Variants in SGCD observed in about 807,000 individuals in gnomAD.
The protein encoded by SGCD is sarcoglycan delta.
In SGCD, 18 loss-of-function variants were observed where a neutral mutation model predicts 36.6. The ratio of observed to expected loss-of-function variants is 0.49; its 90% CI spans 0.34 to 0.73. The LOEUF is 0.73. SGCD is among the 30% of genes least tolerant of loss of function. SGCD has a pLI of 0.01. For missense variants in SGCD, 387 were observed against 346.7 expected, an observed-to-expected ratio of 1.12 and a Z score of -0.92; for synonymous variants, 133 against 130.6, an observed-to-expected ratio of 1.02 and a Z score of -0.12.
At chr5:155,849,710 TA>T in the SGCD span, among the ~76,000 whole-genome samples, 1 of 152,166 alleles carries the variant, frequency 6.6e-6, no homozygotes, top group Non-Finnish European at 1.5e-5. Flanking sequence ...GTCTTTGCAT[TA>T]AAATGACAAT....
Position 156,231,491 on chromosome 5 carries a change from G to T in SGCD, c.-43-98043G>T, listed in dbSNP as rs994487579. ...GCGGAGGTTGCAGTGAGCTGAGATC[G>T]CCCCACTGCACTCTATCCTGGGCAA... On this transcript the variant is annotated intron_variant, in intron 3 of 9. Transcript: ENST00000517913. Among the ~76,000 whole-genome samples the T allele has an allele frequency of 2.6e-5, 4 of 152,178 alleles. No homozygotes were observed. In the South Asian group the frequency reaches 6.2e-4, roughly 24 times the overall value.
intron 3 of SGCD, among the ~76,000 whole-genome samples, chr5:156,149,082 G>A (rs899698428): frequency 1.3e-5 from 2 of 152,120 alleles, no homozygotes; most frequent in Non-Finnish European, 1.5e-5. Context: ...AATTTTAATA[G>A]TTAGTGGAAA....
At chr5:156,600,983 T>C (rs1761167500) in intron 6 of SGCD, among the ~76,000 whole-genome samples, 1 of 152,198 alleles carries the variant, frequency 6.6e-6, no homozygotes, top group African/African-American at 2.4e-5. Flanking sequence ...TCTATTAAGA[T>C]CTTTTGCCTA....
rs543128174 is a variant in SGCD at position 155,994,556 on chromosome 5, C to T, written c.-281-123322C>T. Among the ~76,000 whole-genome samples, 8 of 152,284 alleles carry T rather than the reference C, an allele frequency of 5.3e-5. No homozygotes were observed. The South Asian group carries it at 1.5e-3, about 28-fold the overall frequency. On this transcript the variant is annotated intron_variant, in intron 1 of 9. Coordinates refer to the SGCD transcript ENST00000517913. ...AGTTACTCTGAGTGGAAGAAGTTCT[C>T]ATCACAATGCTTGGGATCAAGTTCT... is the stretch of plus-strand genomic sequence containing the variant.
At chr5:156,058,546 A>G (rs912781011) in intron 1 of SGCD, among the ~76,000 whole-genome samples, 4 of 145,804 alleles carry the variant, frequency 2.7e-5, no homozygotes. Context: ...ACTTTGAGTA[A>G]CTAAGATTTA....
At chr5:156,492,814 T>G (rs1756007051) in intron 3 of SGCD, among the ~76,000 whole-genome samples, 1 of 152,126 alleles carries the variant, frequency 6.6e-6, no homozygotes, top group Non-Finnish European at 1.5e-5. Flanking sequence ...ACATGTGGTG[T>G]TTAGTTTTCT....
intron 4 of SGCD, among the ~76,000 whole-genome samples, chr5:156,517,870 C>G (rs931186094): frequency 1.3e-5 from 2 of 152,170 alleles, no homozygotes; most frequent in Non-Finnish European, 2.9e-5. Flanking sequence ...AAAACTGTTA[C>G]CAGCCACTAA....
At chr5:156,573,302 C>T (rs971056202) in intron 4 of SGCD, among the ~76,000 whole-genome samples, 8 of 152,190 alleles carry the variant, frequency 5.3e-5, no homozygotes, top group African/African-American at 1.9e-4. Context: ...CTTAACTTTT[C>T]TGTAAATCTG....
chr5:156,446,733 T>G (rs1470842765), intron 3 of SGCD, among the ~76,000 whole-genome samples: 1 of 152,124 alleles, frequency 6.6e-6, no homozygotes, highest in Non-Finnish European at 1.5e-5. Flanking sequence ...AAATTACCCT[T>G]TGGTAAAATT....
At chr5:156,568,025 G>A (rs974665442) in intron 4 of SGCD, among the ~76,000 whole-genome samples, 1 of 152,116 alleles carries the variant, frequency 6.6e-6, no homozygotes, top group African/African-American at 2.4e-5. Flanking sequence ...AATGGATCCA[G>A]AACCTGAATG....
At chr5:156,178,356 A>G (rs1763521238) in intron 3 of SGCD, among the ~76,000 whole-genome samples, 1 of 152,180 alleles carries the variant, frequency 6.6e-6, no homozygotes, top group Non-Finnish European at 1.5e-5. Flanking sequence ...AAACAGCTTG[A>G]CCTGTTCTGT....
intron 1 of SGCD, among the ~76,000 whole-genome samples, chr5:156,007,258 A>G (rs541847557): frequency 6.6e-6 from 1 of 152,230 alleles, no homozygotes; most frequent in African/African-American, 2.4e-5. Context: ...TGATAAATGT[A>G]TTGAGGATAA....
At chr5:155,870,191 G>T (rs1281431064), upstream of SGCD, among the ~76,000 whole-genome samples, 1 of 152,236 alleles carries the variant, frequency 6.6e-6, no homozygotes, top group Non-Finnish European at 1.5e-5. Flanking sequence ...CCTAATTGCT[G>T]CAGTGTGATC....
At chr5:156,044,719 C>T (rs563010533) in intron 1 of SGCD, among the ~76,000 whole-genome samples, 1 of 152,228 alleles carries the variant, frequency 6.6e-6, no homozygotes, top group Non-Finnish European at 1.5e-5. Context: ...AATGATATTT[C>T]ATTTTTATGG....
At chr5:155,862,796 A>T in the SGCD span, among the ~76,000 whole-genome samples, 2 of 152,182 alleles carry the variant, frequency 1.3e-5, no homozygotes, top group African/African-American at 4.8e-5. Context: ...TTGTCCACAT[A>T]CCTTTAAATG....
At chr5:156,404,487 C>T (rs766600199) in intron 3 of SGCD, among the ~76,000 whole-genome samples, 2 of 152,170 alleles carry the variant, frequency 1.3e-5, no homozygotes, top group African/African-American at 2.4e-5. Context: ...TCTGAATCAC[C>T]GTGAGGGCTC....
At chr5:156,751,005 T>C (rs1757130752) in intron 7 of SGCD, among the ~76,000 whole-genome samples, 1 of 152,220 alleles carries the variant, frequency 6.6e-6, no homozygotes, top group South Asian at 2.1e-4. Context: ...AATTTCCTTA[T>C]GAAACTTAAG....
intron 7 of SGCD, among the ~76,000 whole-genome samples, chr5:156,754,895 T>C (rs946546466): frequency 7.2e-5 from 11 of 152,228 alleles, no homozygotes; most frequent in Non-Finnish European, 1.3e-4. Context: ...AGATCTCTTC[T>C]AAGGAAATTG....
chr5:156,007,450 T>C (rs1048656252), intron 1 of SGCD, among the ~76,000 whole-genome samples: 2 of 152,250 alleles, frequency 1.3e-5, no homozygotes, highest in African/African-American at 4.8e-5. Flanking sequence ...AGCTAAGTTT[T>C]CACATTAAAA....
Sources: gnomAD v4.1 joint callset for allele counts (sites outside exome capture counted in the v4.1 genomes callset) on GRCh38, gnomAD v4.1.1 for gene constraint, MANE v1.5 for transcripts, NCBI Gene and HGNC (gene_info 2026-07-23, HGNC 2026-07-21) for gene names.